The following AK5 variants were observed in gnomAD, a reference collection of about 807,000 sequenced individuals.
AK5 encodes the protein adenylate kinase isoenzyme 5.
Under a neutral mutation model 69.5 loss-of-function variants are expected in AK5, and 27 were observed. That is an observed-to-expected ratio of 0.39 (90% confidence interval 0.29 to 0.54). The LOEUF (loss-of-function observed/expected upper bound fraction) is 0.54, where lower values mean the gene tolerates loss of function less well. Among genes scored for constraint, AK5 ranks in the 20% least tolerant of loss-of-function variants. AK5 has a pLI of 0.71. For synonymous variants in AK5, 260 were observed against 244.4 expected (o/e 1.06, Z -0.60); for missense variants, 531 against 700.4 (o/e 0.76, Z 2.73).
chr1:77,446,705 A>ATTG (rs769213661), intron 8 of AK5, among the ~76,000 whole-genome samples: 26 of 151,764 alleles, frequency 1.7e-4, no homozygotes, highest in Non-Finnish European at 2.7e-4. Context: ...GTTTGTTGTT[A>ATTG]TTGTTGTTGT....
At chr1:77,296,045 C>G (rs187403277) in intron 3 of AK5, among the ~76,000 whole-genome samples, 1 of 152,156 alleles carries the variant, frequency 6.6e-6, no homozygotes, top group East Asian at 1.9e-4. Context: ...AGGATTGAAA[C>G]AAGGGAAGAA....
In AK5 at chr1:77,504,281, A is replaced by G. The variant is rs547324870; in HGVS notation, c.1148-14283A>G. On this transcript the variant is annotated intron_variant, in intron 10 of 13. Coordinates refer to ENST00000354567, the MANE Select transcript of AK5 (RefSeq NM_174858.3). ...AAAACAGATTGGCGAGAACATTTTT[A>G]AATTTAAGGATTTCTTTTCTTTTTA... 2.0e-5 allele frequency among the ~76,000 whole-genome samples: 3 copies of G among 152,306 alleles called. No individual in the cohort carries two copies. The East Asian group carries it at 5.8e-4, about 29-fold the overall frequency.
intron 5 of AK5, among the ~76,000 whole-genome samples, chr1:77,308,728 A>G (rs17100274): frequency 0.042 from 6,319 of 152,260 alleles, 197 homozygotes; most frequent in South Asian, 0.094. Context: ...AGCTGAAACT[A>G]ATAAGAGCTC....
At chr1:77,457,187 G>T (rs1385176974) in intron 8 of AK5, among the ~76,000 whole-genome samples, 1 of 152,172 alleles carries the variant, frequency 6.6e-6, no homozygotes, top group East Asian at 1.9e-4. Context: ...GATCCTGTCT[G>T]TGTTCCTGGT....
chr1:77,554,098 A>G (rs188184594), intron 13 of AK5, among the ~76,000 whole-genome samples: 65 of 152,336 alleles, frequency 4.3e-4, no homozygotes, highest in African/African-American at 1.5e-3. Context: ...TGTCCTGAGT[A>G]GGCAAATCTA....
At chr1:77,493,818 A>T (rs1442403194) in intron 10 of AK5, among the ~76,000 whole-genome samples, 2 of 152,226 alleles carry the variant, frequency 1.3e-5, no homozygotes, top group Non-Finnish European at 2.9e-5. Context: ...TGCATTTACC[A>T]ACTAATGAGA....
intron 8 of AK5, among the ~76,000 whole-genome samples, chr1:77,428,790 T>G (rs1651391248): frequency 6.6e-6 from 1 of 152,086 alleles, no homozygotes; most frequent in Non-Finnish European, 1.5e-5. Flanking sequence ...TGTGTGATGT[T>G]CCCCTTCCTG....
chr1:77,549,020 T>C (rs899830795), intron 13 of AK5, among the ~76,000 whole-genome samples: 9 of 149,932 alleles, frequency 6.0e-5, no homozygotes, highest in Admixed American at 5.4e-4. Flanking sequence ...GAATTACAGG[T>C]ACCTGCCACC....
intron 6 of AK5, among the ~76,000 whole-genome samples, chr1:77,367,567 A>ATGT (rs1180933836): frequency 0.13 from 1,127 of 8,732 alleles, 158 homozygotes; most frequent in African/African-American, 0.21. Context: ...TTATATATAT[A>ATGT]TATATATATA....
intron 13 of AK5, 117 bp from the exon 14 acceptor site, chr1:77,558,485 G>GGA: frequency 1.6e-6 from 1 of 621,994 alleles, no homozygotes. Context: ...TTTGGGGGGG[G>GGA]TCTTGTGTTT....
chr1:77,307,183 C>T (rs2100278917), intron 5 of AK5, among the ~76,000 whole-genome samples: 1 of 151,506 alleles, frequency 6.6e-6, no homozygotes, highest in South Asian at 2.1e-4. Flanking sequence ...CAGGATGCAT[C>T]TTTAGATTAT....
At chr1:77,432,686 G>T (rs1043294785) in intron 8 of AK5, among the ~76,000 whole-genome samples, 2 of 152,104 alleles carry the variant, frequency 1.3e-5, no homozygotes, top group Admixed American at 6.6e-5. Context: ...CTGTGGATAT[G>T]GGCCTCAACT....
At chr1:77,430,303 G>T (rs1008827974) in intron 8 of AK5, among the ~76,000 whole-genome samples, 1 of 152,148 alleles carries the variant, frequency 6.6e-6, no homozygotes, top group South Asian at 2.1e-4. Context: ...GAATGGATAT[G>T]GGAGCCAACA....
At chr1:77,526,416 A>G (rs181378206) in intron 12 of AK5, among the ~76,000 whole-genome samples, 211 of 152,018 alleles carry the variant, frequency 1.4e-3, no homozygotes, top group Middle Eastern at 6.8e-3. Context: ...ACCCTCCAGG[A>G]AAGTCAGGAC....
chr1:77,375,194 G>C (rs748949355), intron 6 of AK5, among the ~76,000 whole-genome samples: 1 of 152,194 alleles, frequency 6.6e-6, no homozygotes, highest in Non-Finnish European at 1.5e-5. Flanking sequence ...AGTCAAGCCA[G>C]GTCAGACCTT....
At chr1:77,315,580 A>G (rs1338322676) in intron 5 of AK5, among the ~76,000 whole-genome samples, 3 of 152,144 alleles carry the variant, frequency 2.0e-5, no homozygotes, top group Non-Finnish European at 2.9e-5. Context: ...ACTTTATGAG[A>G]CAGGATTCAA....
At chr1:77,519,098 T>C (rs1452971939) in intron 11 of AK5, among the ~76,000 whole-genome samples, 1 of 152,200 alleles carries the variant, frequency 6.6e-6, no homozygotes, top group Non-Finnish European at 1.5e-5. Context: ...AATGCTTTGG[T>C]TTAGTTCTGG....
intron 12 of AK5, chr1:77,532,337 A>G (rs1400408879): frequency 6.6e-6 from 1 of 152,550 alleles, no homozygotes; most frequent in Non-Finnish European, 1.5e-5. Flanking sequence ...GAAAAATAAA[A>G]TAAGTGAGTA....
chr1:77,394,008 A>G (rs1648657986), intron 6 of AK5, among the ~76,000 whole-genome samples: 1 of 152,074 alleles, frequency 6.6e-6, no homozygotes, highest in Admixed American at 6.5e-5. Flanking sequence ...TGAAGTCAGG[A>G]GTTCGAGACC....
Sources: allele counts gnomAD v4.1 joint callset (sites outside exome capture counted in the v4.1 genomes callset), GRCh38; gene constraint gnomAD v4.1.1; transcripts MANE v1.5; gene names NCBI Gene and HGNC (gene_info 2026-07-23, HGNC 2026-07-21).